Variants in INTU observed in about 807,000 individuals in gnomAD.
The protein encoded by INTU is protein inturned.
Under a neutral mutation model 100.5 loss-of-function variants are expected in INTU, and 68 were observed. The ratio of observed to expected loss-of-function variants is 0.68; its 90% confidence interval spans 0.56 to 0.83. INTU has a LOEUF of 0.83. Among genes scored for constraint, INTU ranks in the 40% least tolerant of loss-of-function variants. INTU has a pLI of 0.00. For missense variants in INTU, 1,071 were observed against 1,114.7 expected (o/e 0.96, Z 0.56); for synonymous variants, 357 against 395.7 (o/e 0.90, Z 1.16).
In INTU at chr4:127,710,895, A is replaced by G; in HGVS notation, c.2370-18A>G. The stretch of plus-strand genomic sequence containing the variant: ...TAAAATTTCTTTTTTCTTCTCTTTG[A>G]TTTTTTTTCTTTTTAAGACTGACAT... On this transcript the variant is annotated intron_variant, in intron 13 of 15. Coordinates refer to ENST00000335251, the MANE Select transcript of INTU (RefSeq NM_015693.4). 7.1e-7 allele frequency: 1 copy of G among 1,407,034 alleles called. No homozygotes were observed. The highest frequency in any genetic ancestry group is 1.9e-5 in the South Asian group (1 of 53,110). The allele number at this position is 1,407,034 out of a possible 1,614,324, so 87.2% of individuals were successfully genotyped here.
At chr4:127,640,132 A>C (rs2126174234) in intron 1 of INTU, among the ~76,000 whole-genome samples, 1 of 152,284 alleles carries the variant, frequency 6.6e-6, no homozygotes, top group Non-Finnish European at 1.5e-5. Flanking sequence ...AGCAAGAGGA[A>C]GGGAACTGAT....
At position 127,719,926 on chromosome 4, in the gene INTU, A is replaced by T. The variant is rs1417495437; in HGVS notation, c.*3490A>T. 6.6e-6 allele frequency: 1 copy of T among 152,036 alleles called. No individual in the cohort carries two copies. Among genetic ancestry groups the T allele is most frequent in the Non-Finnish European group, 1.5e-5 (1 of 68,006 alleles). The allele number at this position is 152,036 out of a possible 1,614,324, so 9.4% of individuals were successfully genotyped here. A position where few individuals can be genotyped will look rare whatever the true frequency, so the allele number is the denominator to read the frequency against. On this transcript the variant is annotated 3_prime_UTR_variant, in exon 16 of 16. Coordinates refer to ENST00000335251, the MANE Select transcript of INTU (RefSeq NM_015693.4). ...TATTTTGTTAATATTTTCAAAAAAA[A>T]GCAGCCCCTGGATTCATTTATTTTT...
intron 9 of INTU, 152 bp downstream of exon 9, chr4:127,700,215 C>A: frequency 1.7e-6 from 1 of 603,834 alleles, no homozygotes. Context: ...TTTTGCTTGC[C>A]TTAGGATTTT....
At chr4:127,636,035 G>T (rs146827099) in intron 1 of INTU, among the ~76,000 whole-genome samples, 1 of 152,026 alleles carries the variant, frequency 6.6e-6, no homozygotes, top group African/African-American at 2.4e-5. Flanking sequence ...GGGAGCCAAC[G>T]CAGGAGCATT....
chr4:127,670,471 TAGTACTGG>T (rs1384846296), intron 5 of INTU, among the ~76,000 whole-genome samples: 1 of 151,988 alleles, frequency 6.6e-6, no homozygotes, highest in Non-Finnish European at 1.5e-5. Context: ...TTCAATACAG[TAGTACTGG>T]AGGCTCTATT....
In INTU at chr4:127,722,563, G is replaced by A. The variant is rs1196216233; in HGVS notation, c.*6127G>A. ...GCAGGCAGAGAAGACTAAGATCACT[G>A]ATCCATGATACTTCAGCCATCCTTC... On this transcript the variant is annotated 3_prime_UTR_variant, in exon 16 of 16. Coordinates refer to ENST00000335251, the MANE Select transcript of INTU (RefSeq NM_015693.4). 6.6e-6 allele frequency: 1 copy of A among 152,438 alleles called. No homozygotes were observed. The highest frequency in any genetic ancestry group is 1.5e-5 in the Non-Finnish European group (1 of 68,226). 9.4% of individuals were successfully genotyped at this position (152,438 alleles called of 1,614,324 possible). A position where few individuals can be genotyped will look rare whatever the true frequency, so the allele number is the denominator to read the frequency against.
chr4:127,697,624 T>C (rs1429118181), intron 8 of INTU, among the ~76,000 whole-genome samples: 1 of 152,166 alleles, frequency 6.6e-6, no homozygotes, highest in Non-Finnish European at 1.5e-5. Flanking sequence ...ATCTGTGTTG[T>C]CATAAATAAC....
chr4:127,657,012 C>T (rs1219072799), intron 3 of INTU, among the ~76,000 whole-genome samples: 3 of 152,114 alleles, frequency 2.0e-5, no homozygotes, highest in African/African-American at 4.8e-5. Context: ...ACCATATATG[C>T]TTGTGACAAT....
intron 1 of INTU, among the ~76,000 whole-genome samples, chr4:127,633,446 G>A (rs970186632): frequency 6.6e-6 from 1 of 151,882 alleles, no homozygotes; most frequent in African/African-American, 2.4e-5. Context: ...CCTCTTTTTG[G>A]TCATGGGCTC....
intron 14 of INTU, 81 bp from the exon 15 acceptor site, chr4:127,713,855 C>A: frequency 1.0e-6 from 1 of 998,126 alleles, no homozygotes; most frequent in Non-Finnish European, 1.5e-6. Context: ...TTGGATCAGC[C>A]AATTCAGATT....
intron 6 of INTU, among the ~76,000 whole-genome samples, chr4:127,679,237 T>C (rs1331660572): frequency 2.0e-5 from 3 of 151,576 alleles, no homozygotes; most frequent in Non-Finnish European, 2.9e-5. Flanking sequence ...TGAACTCAGC[T>C]CTGCACCAAG....
chr4:127,688,964 T>C (rs995702391), intron 8 of INTU, among the ~76,000 whole-genome samples: 1 of 115,952 alleles, frequency 8.6e-6, no homozygotes, highest in Non-Finnish European at 1.6e-5. Flanking sequence ...TTTTCTTTTC[T>C]TTCTTTCTTT....
chr4:127,643,286 G>T lies in INTU; in HGVS notation c.147-235G>T, dbSNP rs191006540. Among the ~76,000 whole-genome samples the T allele has an allele frequency of 6.1e-4, 92 of 151,792 alleles. 1 individual carries two copies. The highest frequency in any genetic ancestry group is 1.6e-3 in the East Asian group (8 of 5,156). ...TTCCTTTCTATTGCTATGCCTTTTT[G>T]ATTCCTTCTCCCCCAACTCCTATTC... is the stretch of plus-strand genomic sequence containing the variant. On this transcript the variant is annotated intron_variant, in intron 1 of 15. Coordinates refer to ENST00000335251, the MANE Select transcript of INTU (RefSeq NM_015693.4).
chr4:127,638,904 T>A (rs1727189027), intron 1 of INTU, among the ~76,000 whole-genome samples: 1 of 152,144 alleles, frequency 6.6e-6, no homozygotes, highest in African/African-American at 2.4e-5. Context: ...TGAAGGCGTA[T>A]TTATATTAGT....
intron 2 of INTU, among the ~76,000 whole-genome samples, chr4:127,653,740 A>G (rs1384746230): frequency 0.014 from 2,126 of 149,742 alleles, 41 homozygotes; most frequent in African/African-American, 0.051. Flanking sequence ...TATTAGGTCC[A>G]CTTGGTGCAG....
At chr4:127,655,563 G>A (rs1393634659) in intron 2 of INTU, among the ~76,000 whole-genome samples, 1 of 151,586 alleles carries the variant, frequency 6.6e-6, no homozygotes, top group Non-Finnish European at 1.5e-5. Context: ...ACCCACTTGA[G>A]GAGGCAGTCT....
chr4:127,710,834 A>G, intron 13 of INTU, 79 bp from the exon 14 acceptor site: 2 of 821,556 alleles, frequency 2.4e-6, no homozygotes, highest in Non-Finnish European at 1.8e-6. Flanking sequence ...TAAGAAGTCT[A>G]CTAAATTCAA....
At chr4:127,650,396 C>A (rs986031155) in intron 2 of INTU, among the ~76,000 whole-genome samples, 1 of 139,376 alleles carries the variant, frequency 7.2e-6, no homozygotes. Flanking sequence ...ACCACAGTCC[C>A]CAGAGTGTGA....
intron 8 of INTU, among the ~76,000 whole-genome samples, chr4:127,696,580 A>G (rs565343348): frequency 6.7e-6 from 1 of 148,498 alleles, no homozygotes; most frequent in East Asian, 2.0e-4. Flanking sequence ...TTTTTATCTT[A>G]GTTAGGCTAG....
Sources: gnomAD v4.1 joint callset for allele counts (sites outside exome capture counted in the v4.1 genomes callset) on GRCh38, gnomAD v4.1.1 for gene constraint, MANE v1.5 for transcripts, NCBI Gene and HGNC (gene_info 2026-07-23, HGNC 2026-07-21) for gene names.